Variants in TPT1 observed in about 807,000 individuals in gnomAD.
The protein encoded by TPT1 is translationally-controlled tumor protein.
Under a neutral mutation model 22.8 loss-of-function variants are expected in TPT1, and 5 were observed. The ratio of observed to expected loss-of-function variants is 0.22; its 90% CI spans 0.11 to 0.46. The LOEUF (loss-of-function observed/expected upper bound fraction) is 0.46. Ranked by LOEUF, TPT1 falls within the 20% of genes least tolerant of loss-of-function variation. The pLI, the probability that TPT1 is intolerant of heterozygous loss-of-function variation, is 0.99. For synonymous variants in TPT1, 89 were observed against 73.6 expected (o/e 1.21, Z -1.07); for missense variants, 130 against 218.7 (o/e 0.59, Z 2.56).
intron 2 of TPT1, 172 bp downstream of exon 2, chr13:45,340,540 C>T: frequency 1.1e-6 from 1 of 878,530 alleles, no homozygotes. Flanking sequence ...GGCGGCGGGC[C>T]TATTTCCAGG....
chr13:45,337,248 A>G lies in TPT1; in HGVS notation c.*138T>C. 1.2e-6 allele frequency: 1 copy of G among 864,804 alleles called. No individual in the cohort carries two copies. The highest frequency in any genetic ancestry group is 1.7e-5 in the African/African-American group (1 of 59,002). 53.6% of individuals were successfully genotyped at this position (864,804 alleles called of 1,614,324 possible). A position where few individuals can be genotyped will look rare whatever the true frequency, so the allele number is the denominator to read the frequency against. Reference sequence around the variant, plus strand: ...TTCTTAAAAACAATGCCTCCACTCCAAATAAATCACAGTCAAAATAAATGA... The same window carrying G: ...TTCTTAAAAACAATGCCTCCACTCCGAATAAATCACAGTCAAAATAAATGA... On this transcript the variant is annotated 3_prime_UTR_variant, in exon 6 of 6. Transcript: ENST00000530705.
Position 45,334,321 on chromosome 13 carries a change from GTTTCTC to G in TPT1, c.*3059_*3064del, listed in dbSNP as rs1340452829. ...GAGCACCTCTTAATTACCTTTGTTG[GTTTCTC>G]TTTGTCAACCAATCTCATGTTGGAA... On this transcript the variant is annotated 3_prime_UTR_variant, in exon 6 of 6. Coordinates refer to ENST00000530705, the MANE Select transcript of TPT1 (RefSeq NM_003295.4). 1 of 152,184 alleles carries G rather than the reference GTTTCTC, an allele frequency of 6.6e-6. No individual in the cohort carries two copies. Among genetic ancestry groups the G allele is most frequent in the East Asian group, 1.9e-4 (1 of 5,204 alleles). The allele number at this position is 152,184 out of a possible 1,614,324, so 9.4% of individuals were successfully genotyped here.
intron 5 of TPT1, among the ~76,000 whole-genome samples, chr13:45,337,952 G>A (rs1040447487): frequency 2.6e-5 from 4 of 152,068 alleles, no homozygotes; most frequent in African/African-American, 9.7e-5. Context: ...TATTTACTAA[G>A]CTAGTACTGC....
chr13:45,341,056 C>T lies in TPT1; in HGVS notation c.14G>A (p.Arg5Gln), dbSNP rs11552498. The change falls in exon 1 of 6, where the codon CGG (arginine) becomes CAG (glutamine). Residue 5 changes from arginine to glutamine, a missense_variant. Coordinates refer to ENST00000530705, the MANE Select transcript of TPT1 (RefSeq NM_003295.4). ...TGAGGACTCACGGCTGATGAGGTCC[C>T]GGTAGATAATCATGATGGCGACTGA... MIIY[R>Q]DLISHDEMFS... The T allele has an allele frequency of 6.2e-7, 1 of 1,613,290 alleles. No individual in the cohort carries two copies. Among genetic ancestry groups the T allele is most frequent in the Non-Finnish European group, 8.5e-7 (1 of 1,179,584 alleles).
chr13:45,340,267 A>C, intron 2 of TPT1, 83 bp from the exon 3 acceptor site: 2 of 1,467,846 alleles, frequency 1.4e-6, no homozygotes, highest in Non-Finnish European at 1.9e-6. Flanking sequence ...ACGGATAAGA[A>C]GTATTCTTAG....
rs1878566353 is a variant in TPT1 at position 45,334,733 on chromosome 13, A to T, written c.*2653T>A. 1 of 150,320 alleles carries T rather than the reference A, an allele frequency of 6.7e-6. No individual in the cohort carries two copies. 9.3% of individuals were successfully genotyped at this position (150,320 alleles called of 1,614,324 possible). ...CACCTGGCAGCCAAAGTGATCCTTT[A>T]AAAATTTGAGTCATATCATGTAACT... On this transcript the variant is annotated 3_prime_UTR_variant, in exon 6 of 6. Transcript: ENST00000530705.
chr13:45,340,610 C>A, intron 2 of TPT1, 102 bp downstream of exon 2: 1 of 1,344,972 alleles, frequency 7.4e-7, no homozygotes, highest in Non-Finnish European at 1.0e-6. Context: ...TCTCCTCCGC[C>A]AGGAGGCGGC....
At chr13:45,338,113 A>G (rs917522987) in intron 5 of TPT1, 1 of 160,532 alleles carries the variant, frequency 6.2e-6, no homozygotes, top group Non-Finnish European at 1.4e-5. Context: ...GATCTCCTTC[A>G]GCATTTAAAC....
At chr13:45,340,265 G>T (rs2234219) in intron 2 of TPT1, 81 bp from the exon 3 acceptor site, 3 of 1,488,148 alleles carry the variant, frequency 2.0e-6, no homozygotes, top group Non-Finnish European at 2.8e-6. Flanking sequence ...TCACGGATAA[G>T]AAGTATTCTT....
In TPT1 at chr13:45,337,103, C is replaced by T. The variant is rs1566175390; in HGVS notation, c.*283G>A. Reference sequence around the variant, plus strand: ...TGATGAGTAGTAGCCTACAATCAGGCTCTAGCTTCTCCAGGAACACTACAG... The same window carrying T: ...TGATGAGTAGTAGCCTACAATCAGGTTCTAGCTTCTCCAGGAACACTACAG... On this transcript the variant is annotated 3_prime_UTR_variant, in exon 6 of 6. Transcript: ENST00000530705. The T allele has an allele frequency of 4.2e-6, 2 of 480,132 alleles. No homozygotes were observed. Among genetic ancestry groups the T allele is most frequent in the South Asian group, 4.7e-5 (2 of 42,574 alleles). 29.7% of individuals were successfully genotyped at this position (480,132 alleles called of 1,614,324 possible). A position where few individuals can be genotyped will look rare whatever the true frequency, so the allele number is the denominator to read the frequency against.
At position 45,340,146 on chromosome 13, in the gene TPT1, G is replaced by T. The variant is rs761819129; in HGVS notation, c.141C>A (p.Leu47=). The change falls in exon 3 of 6, where the codon CTC becomes CTA. Residue 47 remains leucine, a synonymous_variant. Transcript: ENST00000530705. ...CTTCAGCGGAGGCATTTCCACCAAT[G>T]AGCGAGTCATCAATGTTACCTTCTG... ...SRTEGNIDDS[L]IGGNASAEGP... is the part of the protein sequence containing the mutation. The T allele has an allele frequency of 9.9e-6, 16 of 1,613,986 alleles. No homozygotes were observed. The highest frequency in any genetic ancestry group is 1.4e-5 in the Non-Finnish European group (16 of 1,179,946).
At position 45,334,591 on chromosome 13, in the gene TPT1, GCATATCCT is replaced by G. The variant is rs1487202541; in HGVS notation, c.*2787_*2794del. On this transcript the variant is annotated 3_prime_UTR_variant, in exon 6 of 6. Coordinates refer to ENST00000530705, the MANE Select transcript of TPT1 (RefSeq NM_003295.4). Reference sequence around the variant, plus strand: ...ACATTAAATCCATCCTCACCCACCAGCATATCCTGTTGTCTCTATCTTCATTTCCTACC... The same window carrying G: ...ACATTAAATCCATCCTCACCCACCAGGTTGTCTCTATCTTCATTTCCTACC... The G allele has an allele frequency of 2.6e-5, 4 of 152,284 alleles. No individual in the cohort carries two copies. The East Asian group carries it at 7.7e-4, about 29-fold the overall frequency. The allele number at this position is 152,284 out of a possible 1,614,324, so 9.4% of individuals were successfully genotyped here.
At chr13:45,340,903 G>A (rs1210768550) in intron 1 of TPT1, 118 bp from the exon 2 acceptor site, 41 of 1,491,142 alleles carry the variant, frequency 2.7e-5, no homozygotes, top group African/African-American at 4.2e-5. Flanking sequence ...AGCTGGGCGC[G>A]AGCCCCGGGC....
At position 45,333,686 on chromosome 13, in the gene TPT1, A is replaced by G. The variant is rs760954163; in HGVS notation, c.*3700T>C. On this transcript the variant is annotated 3_prime_UTR_variant, in exon 6 of 6. Transcript: ENST00000530705. Reference sequence around the variant, plus strand: ...ACCTATTACTGAAGCAGATGCACACATAATAAAAAACCATGTACCTGTATT... The same window carrying G: ...ACCTATTACTGAAGCAGATGCACACGTAATAAAAAACCATGTACCTGTATT... The G allele has an allele frequency of 1.2e-4, 19 of 152,248 alleles. No homozygotes were observed. The highest frequency in any genetic ancestry group is 2.1e-4 in the South Asian group (1 of 4,834). 9.4% of individuals were successfully genotyped at this position (152,248 alleles called of 1,614,324 possible).
At position 45,336,115 on chromosome 13, in the gene TPT1, T is replaced by G. The variant is rs191507726; in HGVS notation, c.*1271A>C. On this transcript the variant is annotated 3_prime_UTR_variant, in exon 6 of 6. Transcript: ENST00000530705. ...TTGAGCCCAGGAGTTGAGACCACCCTGGGCAACTAAGCGATACTCGGTCTC... is the reference window on the plus strand; with the variant it reads ...TTGAGCCCAGGAGTTGAGACCACCCGGGGCAACTAAGCGATACTCGGTCTC... 5.4e-4 allele frequency: 82 copies of G among 152,344 alleles called. No individual in the cohort carries two copies. Among genetic ancestry groups the G allele is most frequent in the African/African-American group, 1.9e-3 (78 of 41,574 alleles). 9.4% of individuals were successfully genotyped at this position (152,344 alleles called of 1,614,324 possible). A position where few individuals can be genotyped will look rare whatever the true frequency, so the allele number is the denominator to read the frequency against.
At position 45,340,098 on chromosome 13, in the gene TPT1, T is replaced by G. The variant is rs1878983253; in HGVS notation, c.189A>C (p.Glu63Asp). ...TATCGACACCAGTGATTACTGTGCT[T>G]TCGGTACCTTCGCCCTCGGGGCCTT... is the stretch of plus-strand genomic sequence containing the variant. ...SAEGPEGEGT[E>D]STVITGVDIV... Residue 63 changes from glutamate to aspartate, a missense_variant, in exon 3 of 6, where the codon GAA becomes GAC. Transcript: ENST00000530705. 1 of 1,614,076 alleles carries G rather than the reference T, an allele frequency of 6.2e-7. No individual in the cohort carries two copies. Among genetic ancestry groups the G allele is most frequent in the Admixed American group, 1.7e-5 (1 of 59,994 alleles).
Position 45,340,108 on chromosome 13 carries a change from T to C in TPT1, c.179A>G (p.Glu60Gly), listed in dbSNP as rs1878984270. Reference sequence around the variant, plus strand: ...AGTGATTACTGTGCTTTCGGTACCTTCGCCCTCGGGGCCTTCAGCGGAGGC... The same window carrying C: ...AGTGATTACTGTGCTTTCGGTACCTCCGCCCTCGGGGCCTTCAGCGGAGGC... Reference protein sequence around the residue: ...GNASAEGPEGEGTESTVITGV... With the variant: ...GNASAEGPEGGGTESTVITGV... Residue 60 changes from glutamate (E) to glycine (G), a missense_variant, in exon 3 of 6, where the codon GAA (glutamate) becomes GGA (glycine). Glu to Gly is a moderately conservative substitution (Grantham distance 98). Coordinates refer to ENST00000530705, the MANE Select transcript of TPT1 (RefSeq NM_003295.4). The C allele has an allele frequency of 6.2e-7, 1 of 1,614,080 alleles. No homozygotes were observed. Among genetic ancestry groups the C allele is most frequent in the Admixed American group, 1.7e-5 (1 of 59,998 alleles).
At chr13:45,340,518 G>A (rs1345072085) in intron 2 of TPT1, 194 bp downstream of exon 2, 7 of 785,906 alleles carry the variant, frequency 8.9e-6, no homozygotes, top group Non-Finnish European at 1.3e-5. Context: ...CCGGGAGGAG[G>A]ATGGGCGCCG....
intron 3 of TPT1, 146 bp downstream of exon 3, chr13:45,339,848 G>A: frequency 3.2e-6 from 3 of 935,830 alleles, no homozygotes; most frequent in South Asian, 1.8e-5. Flanking sequence ...TTATAGAAAA[G>A]CAACCACTCT....
Sources: gnomAD v4.1 joint callset for allele counts (sites outside exome capture counted in the v4.1 genomes callset) on GRCh38, gnomAD v4.1.1 for gene constraint, MANE v1.5 for transcripts, NCBI Gene and HGNC (gene_info 2026-07-23, HGNC 2026-07-21) for gene names.